The following TBC1D10B variants were observed in gnomAD, a reference collection of about 807,000 sequenced individuals.
TBC1D10B encodes Rab27A-GAPbeta.
Under a neutral mutation model 78.4 loss-of-function variants are expected in TBC1D10B, and 25 were observed. The ratio of observed to expected loss-of-function variants is 0.32; its 90% CI spans 0.23 to 0.45. The LOEUF (loss-of-function observed/expected upper bound fraction) is 0.45, where lower values mean the gene tolerates loss of function less well. Ranked by LOEUF, TBC1D10B falls within the 20% of genes least tolerant of loss-of-function variation. The pLI is 1.00. For missense variants in TBC1D10B, 996 were observed against 1,104.8 expected (o/e 0.90, Z 1.40); for synonymous variants, 517 against 478.0 (o/e 1.08, Z -1.06).
In TBC1D10B at chr16:30,358,154, C is replaced by T. The variant is rs2049568973; in HGVS notation, c.2217G>A (p.Glu739=). 1.3e-6 allele frequency: 2 copies of T among 1,549,738 alleles called. No homozygotes were observed. Among genetic ancestry groups the T allele is most frequent in the Non-Finnish European group, 8.7e-7 (1 of 1,145,312 alleles). ...QKQEKERQKQ[E]KEREKERQKQ... is the part of the protein sequence containing the mutation. ...TCTGCCGCTCCTTCTCCCGCTCCTTCTCCTGTTTCTGCCGCTCCTTCTCCT... is the reference window on the plus strand; with the variant it reads ...TCTGCCGCTCCTTCTCCCGCTCCTTTTCCTGTTTCTGCCGCTCCTTCTCCT... Residue 739 remains glutamate (E), a synonymous_variant, in exon 9 of 9, where the codon GAG becomes GAA. Coordinates refer to ENST00000409939, the MANE Select transcript of TBC1D10B (RefSeq NM_015527.4).
At chr16:30,358,934 C>T (rs776058459) in intron 7 of TBC1D10B, 117 bp from the exon 8 acceptor site, 11 of 1,352,254 alleles carry the variant, frequency 8.1e-6, no homozygotes, top group Non-Finnish European at 7.9e-6. Context: ...GATGAGGAAA[C>T]TGAGGCCCTG....
intron 4 of TBC1D10B, 139 bp downstream of exon 4, chr16:30,364,761 C>A: frequency 1.4e-6 from 1 of 722,736 alleles, no homozygotes; most frequent in Admixed American, 2.6e-5. Context: ...TGGCTTGACA[C>A]TTAGTCCATT....
intron 4 of TBC1D10B, chr16:30,360,219 TTATCGG>T (rs912380196): frequency 1.4e-4 from 26 of 188,728 alleles, no homozygotes; most frequent in African/African-American, 5.4e-4. Context: ...AGGGCCTGCC[TTATCGG>T]TCTCACTGGA....
chr16:30,361,130 CAAA>C (rs1476308770), intron 4 of TBC1D10B, among the ~76,000 whole-genome samples: 1 of 152,066 alleles, frequency 6.6e-6, no homozygotes, highest in African/African-American at 2.4e-5. Context: ...ACCAAAAATA[CAAA>C]AATTAGCCAG....
intron 7 of TBC1D10B, 66 bp from the exon 8 acceptor site, chr16:30,358,883 G>A: frequency 6.6e-7 from 1 of 1,507,434 alleles, no homozygotes; most frequent in Non-Finnish European, 8.9e-7. Context: ...TCCTGATCAG[G>A]ATAGACTCAC....
intron 4 of TBC1D10B, among the ~76,000 whole-genome samples, chr16:30,362,594 G>C (rs1036017712): frequency 1.3e-5 from 2 of 152,140 alleles, no homozygotes; most frequent in African/African-American, 4.8e-5. Context: ...ACTTCATCCA[G>C]TCTCGTGGGT....
intron 1 of TBC1D10B, among the ~76,000 whole-genome samples, chr16:30,368,188 T>C (rs1834325800): frequency 6.6e-6 from 1 of 152,186 alleles, no homozygotes; most frequent in African/African-American, 2.4e-5. Flanking sequence ...GAACCCTGCC[T>C]GGAAAACTCT....
At chr16:30,367,873 C>T (rs2049648930) in intron 1 of TBC1D10B, 1 of 152,192 alleles carries the variant, frequency 6.6e-6, no homozygotes, top group Non-Finnish European at 1.5e-5. Flanking sequence ...GCTGATCTTA[C>T]AGGGACAAAG....
rs895887715 is a variant in TBC1D10B at position 30,369,956 on chromosome 16, TGGGGCCGGGGCC to T, written c.216_227del (p.Pro80_Ala83del). On this transcript the variant is annotated inframe_deletion, in exon 1 of 9. Transcript: ENST00000409939. The surrounding 1 kb of genome is among the most constrained non-coding windows in gnomAD (Gnocchi z 4.3). ...TGACAGCCGGGGCTGGGGCCGGGGC[TGGGGCCGGGGCC>T]GGAGCAGAGGTCTCGGCCGACCCCG... is the stretch of plus-strand genomic sequence containing the variant. 1 of 1,281,046 alleles carries T rather than the reference TGGGGCCGGGGCC, an allele frequency of 7.8e-7. No individual in the cohort carries two copies. Among genetic ancestry groups the T allele is most frequent in the Non-Finnish European group, 9.8e-7 (1 of 1,015,684 alleles). The allele number at this position is 1,281,046 out of a possible 1,614,324, so 79.4% of individuals were successfully genotyped here.
chr16:30,361,227 AGG>A (rs2049596728), intron 4 of TBC1D10B, among the ~76,000 whole-genome samples: 1 of 152,102 alleles, frequency 6.6e-6, no homozygotes, highest in Non-Finnish European at 1.5e-5. Context: ...TGGGAGGCAG[AGG>A]TTGCAGTGAG....
rs2049627993 is a variant in TBC1D10B at position 30,365,260 on chromosome 16, C to T, written c.1057-48G>A. ...GGACAGCTTCAAGGGCTGGCACAGCCTCCAACCTTTCCCCAGCAGTCCACA... is the reference window on the plus strand; with the variant it reads ...GGACAGCTTCAAGGGCTGGCACAGCTTCCAACCTTTCCCCAGCAGTCCACA... On this transcript the variant is annotated intron_variant, in intron 2 of 8. Transcript: ENST00000409939. The surrounding 1 kb of genome is among the most constrained non-coding windows in gnomAD (Gnocchi z 5.0). 1.3e-6 allele frequency: 2 copies of T among 1,550,614 alleles called. No homozygotes were observed. The highest frequency in any genetic ancestry group is 1.7e-4 in the Middle Eastern group (1 of 5,922).
At chr16:30,359,474 G>A in intron 6 of TBC1D10B, 64 bp downstream of exon 6, 3 of 1,550,268 alleles carry the variant, frequency 1.9e-6, no homozygotes, top group East Asian at 2.4e-5. Context: ...GGCAAGGCAA[G>A]GACCTGCCTG....
In TBC1D10B at chr16:30,357,778, T is replaced by G. The variant is rs1362265075; in HGVS notation, c.*166A>C. 1 of 939,486 alleles carries G rather than the reference T, an allele frequency of 1.1e-6. No individual in the cohort carries two copies. Among genetic ancestry groups the G allele is most frequent in the Non-Finnish European group, 1.5e-6 (1 of 647,772 alleles). The allele number at this position is 939,486 out of a possible 1,614,324, so 58.2% of individuals were successfully genotyped here. On this transcript the variant is annotated 3_prime_UTR_variant, in exon 9 of 9. Coordinates refer to ENST00000409939, the MANE Select transcript of TBC1D10B (RefSeq NM_015527.4). ...CCAGACTCATTTGCAGCTGCCCATCTGTCCTGCCCGTGTAGGGATCAGCAG... is the reference window on the plus strand; with the variant it reads ...CCAGACTCATTTGCAGCTGCCCATCGGTCCTGCCCGTGTAGGGATCAGCAG...
Position 30,358,800 on chromosome 16 carries a change from G to C in TBC1D10B, c.1660C>G (p.Arg554Gly), listed in dbSNP as rs779727462. The C allele has an allele frequency of 6.2e-7, 1 of 1,608,332 alleles. No individual in the cohort carries two copies. Among genetic ancestry groups the C allele is most frequent in the Non-Finnish European group, 8.5e-7 (1 of 1,177,770 alleles). ...TGGCGCAGCAGGACCAGGGCCACCC[G>C]GAAGATGATCTTAACGCCTGCAGGG... ...FFCEGVKIIF[R>G]VALVLLRHTL... is the part of the protein sequence containing the mutation. Residue 554 changes from arginine (R) to glycine (G), a missense_variant, in exon 8 of 9, where the codon CGG becomes GGG. Transcript: ENST00000409939.
At chr16:30,363,914 G>A (rs545946664) in intron 4 of TBC1D10B, among the ~76,000 whole-genome samples, 4 of 152,184 alleles carry the variant, frequency 2.6e-5, no homozygotes, top group South Asian at 2.1e-4. Context: ...TCAGGAGTTC[G>A]AGACCAGCCT....
Position 30,365,522 on chromosome 16 carries a change from A to T in TBC1D10B, c.1029T>A (p.Asp343Glu). The T allele has an allele frequency of 6.2e-7, 1 of 1,613,980 alleles. No homozygotes were observed. Among genetic ancestry groups the T allele is most frequent in the East Asian group, 2.2e-5 (1 of 44,892 alleles). ...LKWLDMFSNW[D>E]KWLSRRFQKV... ...TCTGGAATCGCCGTGACAGCCACTT[A>T]TCCCAGTTACTGAACATGTCCAGCC... Residue 343 changes from aspartate to glutamate, a missense_variant, in exon 2 of 9, where the codon GAT becomes GAA. By Grantham distance (45) the Asp-to-Glu change is conservative (BLOSUM62 2). This residue lies in a region of TBC1D10B where 93 missense variants were observed against 152.7 expected (regional missense o/e 0.61). Coordinates refer to ENST00000409939, the MANE Select transcript of TBC1D10B (RefSeq NM_015527.4). This position sits in a 1 kb window ranked among gnomAD's most constrained non-coding sequence, Gnocchi z 5.0.
In TBC1D10B at chr16:30,365,100, C is replaced by T. The variant is rs1426112391; in HGVS notation, c.1164+5G>A. On this transcript the variant is annotated splice_donor_5th_base_variant and intron_variant, in intron 3 of 8. Coordinates refer to ENST00000409939, the MANE Select transcript of TBC1D10B (RefSeq NM_015527.4). The surrounding 1 kb of genome is among the most constrained non-coding windows in gnomAD (Gnocchi z 5.0). ...CATGTCCCCACACCTTGGAGCTGCA[C>T]GCACCTCAAACTTTCCTGGGTTCTG... is the stretch of plus-strand genomic sequence containing the variant. 4 of 1,613,472 alleles carry T rather than the reference C, an allele frequency of 2.5e-6. No individual in the cohort carries two copies. The highest frequency in any genetic ancestry group is 1.3e-5 in the African/African-American group (1 of 74,904).
chr16:30,358,942 C>G, intron 7 of TBC1D10B, 125 bp from the exon 8 acceptor site: 1 of 1,317,562 alleles, frequency 7.6e-7, no homozygotes, highest in Non-Finnish European at 1.0e-6. Flanking sequence ...AACTGAGGCC[C>G]TGTGAAAGTA....
Position 30,358,004 on chromosome 16 carries a change from T to C in TBC1D10B, c.2367A>G (p.Pro789=), listed in dbSNP as rs1022310559. 20 of 1,551,650 alleles carry C rather than the reference T, an allele frequency of 1.3e-5. No homozygotes were observed. The highest frequency in any genetic ancestry group is 1.7e-5 in the Non-Finnish European group (20 of 1,146,994). The change falls in exon 9 of 9, where the codon CCA becomes CCG. Residue 789 remains proline (P), a synonymous_variant. Coordinates refer to ENST00000409939, the MANE Select transcript of TBC1D10B (RefSeq NM_015527.4). ...GCCTGTCCCCACCATCATGGGGGCC[T>C]GGGGGCCCATCTGCCTTTCGACGCA... The part of the protein sequence containing the change: ...LSLRRKADGP[P]GPHDGGDRPS...
Sources: allele counts gnomAD v4.1 joint callset (sites outside exome capture counted in the v4.1 genomes callset), GRCh38; gene constraint gnomAD v4.1.1; regional missense constraint gnomAD v4.1.1; non-coding constraint Gnocchi (gnomAD v3.1); transcripts MANE v1.5; gene names NCBI Gene and HGNC (gene_info 2026-07-23, HGNC 2026-07-21).